The following CDCA7L variants were observed in gnomAD, a reference collection of about 807,000 sequenced individuals.
CDCA7L encodes the protein cell division cycle associated 7 like.
In CDCA7L, 44 loss-of-function variants were observed where a neutral mutation model predicts 57.4. The observed-to-expected ratio is 0.77, with a 90% CI of 0.60 to 0.98. The LOEUF (loss-of-function observed/expected upper bound fraction) is 0.98. Among genes scored for constraint, CDCA7L ranks in the 50% least tolerant of loss-of-function variants. The pLI is 0.00. For synonymous variants in CDCA7L, 236 were observed against 202.8 expected (o/e 1.16, Z -1.39); for missense variants, 644 against 580.6 (o/e 1.11, Z -1.12).
chr7:21,945,737 A>C lies in CDCA7L; in HGVS notation c.24+44T>G, dbSNP rs764158753. The C allele has an allele frequency of 4.4e-6, 7 of 1,600,858 alleles. No homozygotes were observed. The African/African-American group carries it at 5.5e-5, about 13-fold the overall frequency. The stretch of plus-strand genomic sequence containing the variant: ...AGGACCGGGTGGCAAAGGGAAGTCA[A>C]ACTGTGGGTGCGTCCGGACGGCGGC... On this transcript the variant is annotated intron_variant, in intron 1 of 9. Coordinates refer to ENST00000406877, the MANE Select transcript of CDCA7L (RefSeq NM_018719.5).
At chr7:21,916,713 C>T (rs1785493178) in intron 2 of CDCA7L, 41 bp downstream of exon 2, 1 of 1,593,058 alleles carries the variant, frequency 6.3e-7, no homozygotes, top group African/African-American at 1.3e-5. Context: ...AAGATTCAGG[C>T]CTCCAGATGA....
chr7:21,903,701 C>T (rs954381367), intron 8 of CDCA7L: 1 of 123,780 alleles, frequency 8.1e-6, no homozygotes, highest in Non-Finnish European at 1.6e-5. Context: ...TTTATGGTAA[C>T]AGAGTGAGCG....
intron 1 of CDCA7L, among the ~76,000 whole-genome samples, chr7:21,930,550 A>G (rs1367003979): frequency 6.6e-6 from 1 of 152,002 alleles, no homozygotes; most frequent in Non-Finnish European, 1.5e-5. Flanking sequence ...CAAAAAAATT[A>G]GCTGGGCGTG....
chr7:21,905,453 C>T (rs758700068), intron 7 of CDCA7L, 53 bp downstream of exon 7: 4 of 1,585,448 alleles, frequency 2.5e-6, no homozygotes, highest in Non-Finnish European at 3.5e-6. Flanking sequence ...AGTGAGATTT[C>T]AATACCAATG....
At chr7:21,906,937 C>T (rs531515944) in intron 4 of CDCA7L, among the ~76,000 whole-genome samples, 13 of 152,190 alleles carry the variant, frequency 8.5e-5, no homozygotes, top group South Asian at 8.3e-4. Flanking sequence ...GTTCCGATCC[C>T]GACTCGGAGG....
At chr7:21,916,493 A>G (rs1785483535) in intron 2 of CDCA7L, among the ~76,000 whole-genome samples, 1 of 134,100 alleles carries the variant, frequency 7.5e-6, no homozygotes, top group Non-Finnish European at 1.5e-5. Flanking sequence ...AATGCACTTG[A>G]TCATGTGAGG....
intron 1 of CDCA7L, among the ~76,000 whole-genome samples, chr7:21,929,209 T>G (rs2128066665): frequency 6.6e-6 from 1 of 152,180 alleles, no homozygotes; most frequent in African/African-American, 2.4e-5. Context: ...CAAACTAAGC[T>G]TCATAAGTGA....
At chr7:21,934,636 G>C (rs571460540) in intron 1 of CDCA7L, among the ~76,000 whole-genome samples, 90 of 152,200 alleles carry the variant, frequency 5.9e-4, no homozygotes, top group South Asian at 5.6e-3. Context: ...TGGCAGGAAG[G>C]ATTTTTTCAA....
chr7:21,942,877 G>C (rs111233453), intron 1 of CDCA7L, among the ~76,000 whole-genome samples: 2 of 152,170 alleles, frequency 1.3e-5, no homozygotes, highest in Admixed American at 1.3e-4. Context: ...TAAACAACAG[G>C]ATCAGATGGG....
At position 21,917,348 on chromosome 7, in the gene CDCA7L, T is replaced by C. The variant is rs527732291; in HGVS notation, c.25-454A>G. On this transcript the variant is annotated intron_variant, in intron 1 of 9. Coordinates refer to ENST00000406877, the MANE Select transcript of CDCA7L (RefSeq NM_018719.5). ...CTTTGTCATAGGCTGATTCAGAAAG[T>C]AGAAAGTTCATACAATGAAATAAGT... Among the ~76,000 whole-genome samples the C allele has an allele frequency of 2.0e-5, 3 of 152,342 alleles. No individual in the cohort carries two copies. The South Asian group carries it at 6.2e-4, about 32-fold the overall frequency.
chr7:21,905,650 C>G lies in CDCA7L; in HGVS notation c.922-19G>C, dbSNP rs753820561. 1.9e-6 allele frequency: 3 copies of G among 1,611,720 alleles called. No individual in the cohort carries two copies. In the Admixed American group the frequency reaches 5.0e-5, roughly 27 times the overall value. The stretch of plus-strand genomic sequence containing the variant: ...ATTTCCCCTGCACAATGAACACAAG[C>G]AGAACATGGAGATGTGTTGAGCAGT... On this transcript the variant is annotated intron_variant, in intron 6 of 9. Coordinates refer to ENST00000406877, the MANE Select transcript of CDCA7L (RefSeq NM_018719.5).
intron 9 of CDCA7L, chr7:21,902,777 C>A (rs1784971294): frequency 5.4e-6 from 3 of 554,312 alleles, no homozygotes; most frequent in Admixed American, 6.9e-5. Flanking sequence ...GTTGAAAAAT[C>A]TAGCAAAGGA....
chr7:21,905,088 A>G (rs1304714709), intron 7 of CDCA7L, among the ~76,000 whole-genome samples: 1 of 152,208 alleles, frequency 6.6e-6, no homozygotes, highest in Non-Finnish European at 1.5e-5. Context: ...CAGAACGCAA[A>G]GCCTCCCTCT....
chr7:21,924,615 T>C (rs1383182909), intron 1 of CDCA7L, among the ~76,000 whole-genome samples: 1 of 152,172 alleles, frequency 6.6e-6, no homozygotes, highest in East Asian at 1.9e-4. Flanking sequence ...TCAAAATGGA[T>C]CACAAACTTG....
chr7:21,928,494 A>AT (rs1173661043), intron 1 of CDCA7L, among the ~76,000 whole-genome samples: 3 of 152,052 alleles, frequency 2.0e-5, no homozygotes, highest in Non-Finnish European at 4.4e-5. Flanking sequence ...AAGGTGGGTA[A>AT]TAAACTCCTC....
intron 7 of CDCA7L, 30 bp from the exon 8 acceptor site, chr7:21,904,289 C>A (rs568811253): frequency 2.6e-6 from 4 of 1,568,032 alleles, no homozygotes; most frequent in Non-Finnish European, 3.5e-6. Context: ...AGCAGGTGAA[C>A]ACAGGGATAT....
At chr7:21,918,177 A>G (rs1225671421) in intron 1 of CDCA7L, among the ~76,000 whole-genome samples, 1 of 151,638 alleles carries the variant, frequency 6.6e-6, no homozygotes, top group Non-Finnish European at 1.5e-5. Flanking sequence ...TCCCACTATT[A>G]ATTAGTAATT....
Position 21,901,238 on chromosome 7 carries a change from T to C in CDCA7L, c.*1084A>G, listed in dbSNP as rs1562614924. ...AAATGGGTTCTGGCTGGAGTGGCTC[T>C]GCTTCTAGAAGCGTAAGGTAACACT... On this transcript the variant is annotated 3_prime_UTR_variant, in exon 10 of 10. Transcript: ENST00000406877. 1 of 1,607,480 alleles carries C rather than the reference T, an allele frequency of 6.2e-7. No individual in the cohort carries two copies. Among genetic ancestry groups the C allele is most frequent in the East Asian group, 2.2e-5 (1 of 44,520 alleles).
rs1785156045 is a variant in CDCA7L at position 21,906,768 on chromosome 7, A to C, written c.682-129T>G. 8 of 780,078 alleles carry C rather than the reference A, an allele frequency of 1.0e-5. No homozygotes were observed. In the Admixed American group the frequency reaches 1.8e-4, roughly 18 times the overall value. The allele number at this position is 780,078 out of a possible 1,614,324, so 48.3% of individuals were successfully genotyped here. On this transcript the variant is annotated intron_variant, in intron 4 of 9. Coordinates refer to ENST00000406877, the MANE Select transcript of CDCA7L (RefSeq NM_018719.5). Reference sequence around the variant, plus strand: ...AACTTGAATAGTTTATATAACCCACAACAGTTATACTTTTAACCTCACATG... The same window carrying C: ...AACTTGAATAGTTTATATAACCCACCACAGTTATACTTTTAACCTCACATG...
Sources: allele counts gnomAD v4.1 joint callset (sites outside exome capture counted in the v4.1 genomes callset), GRCh38; gene constraint gnomAD v4.1.1; transcripts MANE v1.5; gene names NCBI Gene and HGNC (gene_info 2026-07-23, HGNC 2026-07-21).